KIAA1549: variants seen among roughly 807,000 people sequenced by gnomAD.
KIAA1549 encodes UPF0606 protein KIAA1549.
KIAA1549 carries 70 observed loss-of-function variants against 156.4 expected under a neutral mutation model. The ratio of observed to expected loss-of-function variants is 0.45; its 90% CI spans 0.37 to 0.55. The LOEUF is 0.55. KIAA1549 is among the 20% of genes least tolerant of loss of function. KIAA1549 has a pLI of 0.00. For synonymous variants in KIAA1549, 1,103 were observed against 1,066.4 expected, an observed-to-expected ratio of 1.03 and a Z score of -0.67; for missense variants, 2,428 against 2,540.9, an observed-to-expected ratio of 0.96 and a Z score of 0.96.
At chr7:138,873,868 G>A (rs2130390501) in intron 12 of KIAA1549, among the ~76,000 whole-genome samples, 1 of 151,480 alleles carries the variant, frequency 6.6e-6, no homozygotes, top group East Asian at 1.9e-4. Context: ...CTTCCATACT[G>A]CCCAGAAGCC....
At position 138,885,888 on chromosome 7, in the gene KIAA1549, G is replaced by A. The variant is rs1466324094; in HGVS notation, c.4033-4304C>T. ...GGAGACCTACACTTGTGATGGGTGCGGGTGGAGGAGGACAGTCTTGGGGAC... is the reference window on the plus strand; with the variant it reads ...GGAGACCTACACTTGTGATGGGTGCAGGTGGAGGAGGACAGTCTTGGGGAC... On this transcript the variant is annotated intron_variant, in intron 10 of 19. Coordinates refer to ENST00000422774, the MANE Select transcript of KIAA1549 (RefSeq NM_001164665.2). 2.6e-5 allele frequency among the ~76,000 whole-genome samples: 4 copies of A among 152,054 alleles called. No homozygotes were observed. In the East Asian group the frequency reaches 5.8e-4, roughly 22 times the overall value.
chr7:138,936,375 C>T (rs1459087801), intron 1 of KIAA1549, among the ~76,000 whole-genome samples: 2 of 152,150 alleles, frequency 1.3e-5, no homozygotes, highest in Non-Finnish European at 2.9e-5. Context: ...GTCCTGCCAG[C>T]ACTGTGGACC....
chr7:138,886,745 T>G (rs964674259), intron 10 of KIAA1549, among the ~76,000 whole-genome samples: 1 of 152,318 alleles, frequency 6.6e-6, no homozygotes, highest in East Asian at 1.9e-4. Context: ...AGAGCTCCTG[T>G]TACAGGAGTA....
intron 1 of KIAA1549, among the ~76,000 whole-genome samples, chr7:138,944,300 C>A (rs1333058534): frequency 1.3e-5 from 2 of 152,052 alleles, no homozygotes; most frequent in Admixed American, 1.3e-4. Context: ...AGAAGTACAT[C>A]GAAGGATGCT....
rs944119886 is a variant in KIAA1549, at chr7:138,918,133, A to G, written c.1493T>C (p.Met498Thr). ...RPIVPLSSRS[M>T]EISETSVGIS... ...GCCAACACTCGTCTCTGAGATTTCC[A>G]TGGATCTAGAAGAAAGTGGGACGAT... The change falls in exon 2 of 20, where the codon ATG becomes ACG. Residue 498 changes from methionine to threonine, a missense_variant. Physicochemically the swap from Met to Thr is moderately conservative, Grantham distance 81. Transcript: ENST00000422774. The surrounding 1 kb of genome is among the most constrained non-coding windows in gnomAD (Gnocchi z 4.2). The G allele has an allele frequency of 2.5e-6, 4 of 1,613,854 alleles. No individual in the cohort carries two copies. In the African/African-American group the frequency reaches 4.0e-5, roughly 16 times the overall value.
rs539543685 is a variant in KIAA1549, at chr7:138,874,049, T to TA, written c.4346-2688dup. ...TAATTAGTAATTAGTAATATATTAC[T>TA]ATTAGTAATTATATATTACATACTT... On this transcript the variant is annotated intron_variant, in intron 12 of 19. Coordinates refer to ENST00000422774, the MANE Select transcript of KIAA1549 (RefSeq NM_001164665.2). 2.5e-3 allele frequency among the ~76,000 whole-genome samples: 369 copies of TA among 148,168 alleles called. 3 individuals carry two copies. The highest frequency in any genetic ancestry group is 8.8e-3 in the African/African-American group (359 of 40,832).
chr7:138,834,069 A>C lies in KIAA1549; in HGVS notation c.*3837T>G, dbSNP rs1809629297. The stretch of plus-strand genomic sequence containing the variant: ...TTGCCTGGGTAGCTGCCCTGCCTTC[A>C]AAGTCACTTCAGAAGTTGACGTCTC... On this transcript the variant is annotated 3_prime_UTR_variant, in exon 20 of 20. Transcript: ENST00000422774. 1 of 228,062 alleles carries C rather than the reference A, an allele frequency of 4.4e-6. No homozygotes were observed. The highest frequency in any genetic ancestry group is 2.2e-5 in the African/African-American group (1 of 45,170). 14.1% of individuals were successfully genotyped at this position (228,062 alleles called of 1,614,324 possible). A position where few individuals can be genotyped will look rare whatever the true frequency, so the allele number is the denominator to read the frequency against.
chr7:138,841,275 T>A lies in KIAA1549; in HGVS notation c.5453-997A>T, dbSNP rs73729926. ...TTCCCCTTAAAAGGCAGAATACGTA[T>A]CTATTTAAATTCAGCATATTGAAGT... On this transcript the variant is annotated intron_variant, in intron 18 of 19. Coordinates refer to ENST00000422774, the MANE Select transcript of KIAA1549 (RefSeq NM_001164665.2). Among the ~76,000 whole-genome samples, 1,328 of 152,274 alleles carry A rather than the reference T, an allele frequency of 8.7e-3. 16 individuals carry two copies. The highest frequency in any genetic ancestry group is 0.03 in the African/African-American group (1,262 of 41,554).
intron 8 of KIAA1549, among the ~76,000 whole-genome samples, chr7:138,901,630 G>C (rs1455913489): frequency 3.9e-5 from 6 of 152,108 alleles, no homozygotes; most frequent in Non-Finnish European, 5.9e-5. Flanking sequence ...CAGCCCACTT[G>C]AGCATTTTTC....
chr7:138,977,241 T>C (rs991956951), intron 1 of KIAA1549, among the ~76,000 whole-genome samples: 2 of 152,212 alleles, frequency 1.3e-5, no homozygotes, highest in African/African-American at 4.8e-5. Context: ...GTTGCTATCC[T>C]TCTAATACAT....
Position 138,845,956 on chromosome 7 carries a change from TG to T in KIAA1549, c.5295-1483del, listed in dbSNP as rs1810061561. ...TTCAAGTAAAAAGCACAAAAGCAGT[TG>T]GTTCAGTTCAGTCTCCACTCAAACA... is the stretch of plus-strand genomic sequence containing the variant. On this transcript the variant is annotated intron_variant, in intron 17 of 19. Transcript: ENST00000422774. Among the ~76,000 whole-genome samples, 3 of 152,284 alleles carry T rather than the reference TG, an allele frequency of 2.0e-5. No homozygotes were observed. The South Asian group carries it at 6.2e-4, about 32-fold the overall frequency.
At chr7:138,844,544 C>G in intron 17 of KIAA1549, 70 bp from the exon 18 acceptor site, 1 of 1,368,526 alleles carries the variant, frequency 7.3e-7, no homozygotes, top group Non-Finnish European at 9.7e-7. Flanking sequence ...TGAGGTCCAC[C>G]CCCAACCTTA....
Position 138,836,399 on chromosome 7 carries a change from T to C in KIAA1549, c.*1507A>G, listed in dbSNP as rs1205831698. 1 of 214,720 alleles carries C rather than the reference T, an allele frequency of 4.7e-6. No individual in the cohort carries two copies. The highest frequency in any genetic ancestry group is 5.8e-5 in the Admixed American group (1 of 17,132). 13.3% of individuals were successfully genotyped at this position (214,720 alleles called of 1,614,324 possible). The stretch of plus-strand genomic sequence containing the variant: ...TGTGTAGTAGGCTATACCATGTAGG[T>C]TGTGTAAGTACAATCTAGGATGTTG... On this transcript the variant is annotated 3_prime_UTR_variant, in exon 20 of 20. Coordinates refer to ENST00000422774, the MANE Select transcript of KIAA1549 (RefSeq NM_001164665.2).
chr7:138,936,367 C>A (rs76350208), intron 1 of KIAA1549, among the ~76,000 whole-genome samples: 3,679 of 152,232 alleles, frequency 0.024, 146 homozygotes, highest in African/African-American at 0.084. Context: ...TAAGCCAGGT[C>A]CTGCCAGCAC....
intron 17 of KIAA1549, among the ~76,000 whole-genome samples, chr7:138,850,241 T>A (rs1434354517): frequency 6.6e-6 from 1 of 152,164 alleles, no homozygotes; most frequent in Non-Finnish European, 1.5e-5. Context: ...CTGACACCAG[T>A]TGGTAGTTCT....
intron 1 of KIAA1549, among the ~76,000 whole-genome samples, chr7:138,927,719 C>T (rs1381582539): frequency 6.6e-6 from 1 of 152,200 alleles, no homozygotes. Flanking sequence ...GTCGTTGAAC[C>T]AATCTGTGTT....
chr7:138,924,235 A>G (rs1370826286), intron 1 of KIAA1549, among the ~76,000 whole-genome samples: 1 of 142,380 alleles, frequency 7.0e-6, no homozygotes, highest in African/African-American at 2.7e-5. Flanking sequence ...ATGAAGGCTT[A>G]CAAGTTATAA....
intron 9 of KIAA1549, among the ~76,000 whole-genome samples, chr7:138,897,867 TG>T (rs1207197619): frequency 6.6e-5 from 7 of 105,282 alleles, no homozygotes; most frequent in Middle Eastern, 0.012. Flanking sequence ...CACTCCAGCC[TG>T]GGTGACAGAG....
rs533182210 is a variant in KIAA1549 at position 138,837,486 on chromosome 7, T to C, written c.*420A>G. The C allele has an allele frequency of 3.6e-6, 1 of 280,260 alleles. No homozygotes were observed. Among genetic ancestry groups the C allele is most frequent in the South Asian group, 1.5e-4 (1 of 6,482 alleles). 17.4% of individuals were successfully genotyped at this position (280,260 alleles called of 1,614,324 possible). ...TGTTAATAAAATGTCTTCAAACCTC[T>C]TCTCAGAAAACAAAGCAGCAGGTTC... On this transcript the variant is annotated 3_prime_UTR_variant, in exon 20 of 20. Coordinates refer to ENST00000422774, the MANE Select transcript of KIAA1549 (RefSeq NM_001164665.2).
Sources: allele counts gnomAD v4.1 joint callset (sites outside exome capture counted in the v4.1 genomes callset), GRCh38; gene constraint gnomAD v4.1.1; non-coding constraint Gnocchi (gnomAD v3.1); transcripts MANE v1.5; gene names NCBI Gene and HGNC (gene_info 2026-07-23, HGNC 2026-07-21).